VIL1: variants seen among roughly 807,000 people sequenced by gnomAD.
VIL1 encodes villin 1, also known as villin-1.
A neutral mutation model predicts 104.0 loss-of-function variants in VIL1; 86 were observed. The ratio of observed to expected loss-of-function variants is 0.83; its 90% CI spans 0.69 to 0.99. The LOEUF (loss-of-function observed/expected upper bound fraction) is 0.99, where lower values mean the gene tolerates loss of function less well. Among genes scored for constraint, VIL1 ranks in the 50% least tolerant of loss-of-function variants. VIL1 has a pLI of 0.00. For missense variants in VIL1, 944 were observed against 1,054.1 expected (o/e 0.90, Z 1.45); for synonymous variants, 394 against 412.6 (o/e 0.95, Z 0.55).
At chr2:218,432,709 G>A (rs1689120618) in intron 12 of VIL1, 84 bp from the exon 13 acceptor site, 3 of 1,559,668 alleles carry the variant, frequency 1.9e-6, no homozygotes, top group Admixed American at 3.5e-5. Context: ...TCAGACTTGA[G>A]GATGGAGTTG....
chr2:218,440,613 C>A, intron 18 of VIL1, 109 bp from the exon 19 acceptor site: 1 of 1,352,560 alleles, frequency 7.4e-7, no homozygotes, highest in Non-Finnish European at 1.0e-6. Context: ...TGGGGTGGGA[C>A]ATGGGAGGCT....
At chr2:218,442,679 G>C (rs1027465295) in intron 19 of VIL1, among the ~76,000 whole-genome samples, 2 of 152,014 alleles carry the variant, frequency 1.3e-5, no homozygotes, top group Admixed American at 6.6e-5. Context: ...TCCAAAATAG[G>C]CTGCCAATCT....
intron 15 of VIL1, 56 bp from the exon 16 acceptor site, chr2:218,436,426 A>G (rs1689190434): frequency 6.3e-7 from 1 of 1,583,352 alleles, no homozygotes; most frequent in Non-Finnish European, 8.6e-7. Context: ...TGTGTCCTCA[A>G]TTCTCCTTTT....
Position 218,449,644 on chromosome 2 carries a change from A to T in VIL1, c.*308A>T. 4.0e-6 allele frequency: 1 copy of T among 251,588 alleles called. No homozygotes were observed. The highest frequency in any genetic ancestry group is 4.5e-5 in the Admixed American group (1 of 22,000). The allele number at this position is 251,588 out of a possible 1,614,324, so 15.6% of individuals were successfully genotyped here. A position where few individuals can be genotyped will look rare whatever the true frequency, so the allele number is the denominator to read the frequency against. ...TAGAAGAGCACAAACACTCCATGGA[A>T]CATTAGAGTTCTGAGGCACTACCCT... On this transcript the variant is annotated 3_prime_UTR_variant, in exon 20 of 20. Coordinates refer to ENST00000248444, the MANE Select transcript of VIL1 (RefSeq NM_007127.3).
At chr2:218,437,039 G>A in intron 16 of VIL1, 85 bp from the exon 17 acceptor site, 3 of 1,504,494 alleles carry the variant, frequency 2.0e-6, no homozygotes, top group Non-Finnish European at 1.8e-6. Flanking sequence ...TCAAGGTCAG[G>A]GTTTCACTGT....
chr2:218,424,483 A>T, intron 3 of VIL1, 132 bp downstream of exon 3: 1 of 925,334 alleles, frequency 1.1e-6, no homozygotes, highest in Non-Finnish European at 1.7e-6. Context: ...GGGTATGCCC[A>T]AGTGCCCAAC....
chr2:218,447,309 G>A (rs1689381023), intron 19 of VIL1, among the ~76,000 whole-genome samples: 1 of 152,030 alleles, frequency 6.6e-6, no homozygotes, highest in South Asian at 2.1e-4. Context: ...TATGTCCTGT[G>A]ACAGCAATAA....
intron 1 of VIL1, among the ~76,000 whole-genome samples, chr2:218,419,525 A>G (rs1164193188): frequency 6.6e-6 from 1 of 152,058 alleles, no homozygotes; most frequent in African/African-American, 2.4e-5. Flanking sequence ...TCACTCCCCG[A>G]GCCCCCTCCC....
rs1449268574 is a variant in VIL1, at chr2:218,449,919, A to G, written c.*583A>G. 3.3e-5 allele frequency: 5 copies of G among 152,980 alleles called. No homozygotes were observed. The highest frequency in any genetic ancestry group is 3.2e-4 in the Admixed American group (5 of 15,410). The allele number at this position is 152,980 out of a possible 1,614,324, so 9.5% of individuals were successfully genotyped here. ...TCCACTGGGGCTAGGCTTGAGACCTAAAGGCAAGTATGAAATGCATATGCT... is the reference window on the plus strand; with the variant it reads ...TCCACTGGGGCTAGGCTTGAGACCTGAAGGCAAGTATGAAATGCATATGCT... On this transcript the variant is annotated 3_prime_UTR_variant, in exon 20 of 20. Transcript: ENST00000248444.
At chr2:218,447,156 T>C (rs1458001594) in intron 19 of VIL1, among the ~76,000 whole-genome samples, 2 of 152,172 alleles carry the variant, frequency 1.3e-5, no homozygotes, top group Non-Finnish European at 2.9e-5. Flanking sequence ...TATATGGAAA[T>C]TAGATTCCTG....
At chr2:218,443,342 C>T (rs77896791) in intron 19 of VIL1, among the ~76,000 whole-genome samples, 12,843 of 151,748 alleles carry the variant, frequency 0.085, 1,730 homozygotes, top group African/African-American at 0.29. Context: ...GGATTACATC[C>T]GCACACCACC....
chr2:218,425,247 A>C (rs1455188617), intron 3 of VIL1, among the ~76,000 whole-genome samples: 1 of 151,556 alleles, frequency 6.6e-6, no homozygotes, highest in Non-Finnish European at 1.5e-5. Flanking sequence ...CACCTGGCTA[A>C]TTTTTGTATT....
intron 19 of VIL1, among the ~76,000 whole-genome samples, chr2:218,443,372 A>AT (rs1689314927): frequency 6.6e-6 from 1 of 151,724 alleles, no homozygotes; most frequent in Non-Finnish European, 1.5e-5. Flanking sequence ...TAATTTTAGT[A>AT]TTTTTAGTAG....
rs755842563 is a variant in VIL1, at chr2:218,425,954, G to A, written c.347+143G>A. ...GGAGCAGGGGGAGGTGACCTGGGGCGGGGAAGGGACCCTGAAGCTGTGGGG... is the reference window on the plus strand; with the variant it reads ...GGAGCAGGGGGAGGTGACCTGGGGCAGGGAAGGGACCCTGAAGCTGTGGGG... On this transcript the variant is annotated intron_variant, in intron 4 of 19. Coordinates refer to ENST00000248444, the MANE Select transcript of VIL1 (RefSeq NM_007127.3). 85 of 874,042 alleles carry A rather than the reference G, an allele frequency of 9.7e-5. 1 individual carries two copies. The highest frequency in any genetic ancestry group is 1.2e-4 in the Non-Finnish European group (74 of 598,306). 54.1% of individuals were successfully genotyped at this position (874,042 alleles called of 1,614,324 possible). A position where few individuals can be genotyped will look rare whatever the true frequency, so the allele number is the denominator to read the frequency against.
chr2:218,437,407 C>G, intron 17 of VIL1, 95 bp downstream of exon 17: 1 of 1,449,474 alleles, frequency 6.9e-7, no homozygotes, highest in East Asian at 2.4e-5. Flanking sequence ...GATATATGAC[C>G]TGCTGATTTA....
Position 218,434,780 on chromosome 2 carries a change from G to A in VIL1, c.1680+75G>A. On this transcript the variant is annotated intron_variant, in intron 14 of 19. Transcript: ENST00000248444. ...TCCCCCAGTTTCGCAGCAGCCCTAGGTCAGGGCAGGAACCCCTGGCCAACT... is the reference window on the plus strand; with the variant it reads ...TCCCCCAGTTTCGCAGCAGCCCTAGATCAGGGCAGGAACCCCTGGCCAACT... 6 of 1,498,930 alleles carry A rather than the reference G, an allele frequency of 4.0e-6. No homozygotes were observed. In the Admixed American group the frequency reaches 1.1e-4, roughly 27 times the overall value. The allele number at this position is 1,498,930 out of a possible 1,614,324, so 92.9% of individuals were successfully genotyped here.
intron 19 of VIL1, among the ~76,000 whole-genome samples, chr2:218,443,363 A>G (rs1459622075): frequency 1.3e-5 from 2 of 151,686 alleles, no homozygotes; most frequent in Admixed American, 6.6e-5. Context: ...ACGCCTGTCT[A>G]ATTTTAGTAT....
rs142481514 is a variant in VIL1, at chr2:218,436,544, G to A, written c.1889G>A (p.Arg630His). Residue 630 changes from arginine to histidine, a missense_variant, in exon 16 of 20, where the codon CGC (arginine) becomes CAC (histidine). Transcript: ENST00000248444. ...RLFECSNKTG[R>H]FLATEIPDFN... is the part of the protein sequence containing the mutation. ...TTTGAGTGTTCCAACAAGACTGGGC[G>A]CTTCCTGGCCACAGAGATCCCTGAC... The A allele has an allele frequency of 1.8e-4, 296 of 1,613,878 alleles. 1 individual carries two copies. Among genetic ancestry groups the A allele is most frequent in the Middle Eastern group, 9.9e-4 (6 of 6,084 alleles).
rs1689449307 is a variant in VIL1, at chr2:218,450,393, A to G, written c.*1057A>G. 1 of 152,656 alleles carries G rather than the reference A, an allele frequency of 6.6e-6. No homozygotes were observed. The highest frequency in any genetic ancestry group is 2.4e-5 in the African/African-American group (1 of 41,468). The allele number at this position is 152,656 out of a possible 1,614,324, so 9.5% of individuals were successfully genotyped here. On this transcript the variant is annotated 3_prime_UTR_variant, in exon 20 of 20. Coordinates refer to ENST00000248444, the MANE Select transcript of VIL1 (RefSeq NM_007127.3). ...CAGATAAAAGTGCCGCTCCATACAA[A>G]ACATAAAGAATCAGAATCAAAAGTC...
Sources: allele counts gnomAD v4.1 joint callset (sites outside exome capture counted in the v4.1 genomes callset), GRCh38; gene constraint gnomAD v4.1.1; transcripts MANE v1.5; gene names NCBI Gene and HGNC (gene_info 2026-07-23, HGNC 2026-07-21).